The following CCT3 variants were observed in gnomAD, a reference collection of about 807,000 sequenced individuals.
CCT3 encodes chaperonin containing TCP1 subunit 3.
A neutral mutation model predicts 65.3 loss-of-function variants in CCT3; 10 were observed. The ratio of observed to expected loss-of-function variants is 0.15; its 90% CI spans 0.09 to 0.26. The LOEUF (loss-of-function observed/expected upper bound fraction) is 0.26. Ranked by LOEUF, CCT3 falls within the 10% of genes least tolerant of loss-of-function variation. The pLI is 1.00. For missense variants in CCT3, 626 were observed against 708.7 expected, an observed-to-expected ratio of 0.88 and a Z score of 1.33; for synonymous variants, 225 against 242.3, an observed-to-expected ratio of 0.93 and a Z score of 0.66.
intron 10 of CCT3, among the ~76,000 whole-genome samples, chr1:156,316,396 G>C (rs1242797546): frequency 6.6e-6 from 1 of 152,172 alleles, no homozygotes; most frequent in Non-Finnish European, 1.5e-5. Flanking sequence ...TCTGACCGAA[G>C]TTTAATGAAT....
At chr1:156,327,708 A>AC (rs552424166) in intron 5 of CCT3, among the ~76,000 whole-genome samples, 2 of 149,592 alleles carry the variant, frequency 1.3e-5, no homozygotes, top group East Asian at 4.0e-4. Flanking sequence ...CCCGGCCGCC[A>AC]CCCCGTCTGG....
intron 5 of CCT3, among the ~76,000 whole-genome samples, chr1:156,327,301 T>A (rs1664864126): frequency 6.6e-6 from 1 of 151,326 alleles, no homozygotes; most frequent in African/African-American, 2.4e-5. Flanking sequence ...CTCCACGGTC[T>A]CCCTCTCCCT....
Position 156,338,209 on chromosome 1 carries a change from C to A in CCT3, c.-25G>T. On this transcript the variant is annotated 5_prime_UTR_variant, in exon 1 of 14. Transcript: ENST00000295688. Reference sequence around the variant, plus strand: ...TGGCGACGCGATGCAGAGCCGGGTACCCAGAGCTGGGGGAACCGGCAGAAC... The same window carrying A: ...TGGCGACGCGATGCAGAGCCGGGTAACCAGAGCTGGGGGAACCGGCAGAAC... The A allele has an allele frequency of 6.3e-7, 1 of 1,581,692 alleles. No individual in the cohort carries two copies. Among genetic ancestry groups the A allele is most frequent in the South Asian group, 1.2e-5 (1 of 86,112 alleles).
At chr1:156,318,402 TAA>T (rs1664402126) in intron 8 of CCT3, among the ~76,000 whole-genome samples, 2 of 152,124 alleles carry the variant, frequency 1.3e-5, no homozygotes, top group East Asian at 3.9e-4. Context: ...TTTTTTTAAA[TAA>T]AGACAGTATT....
chr1:156,330,537 G>A (rs1348719201), intron 5 of CCT3, among the ~76,000 whole-genome samples: 2 of 151,746 alleles, frequency 1.3e-5, no homozygotes, highest in South Asian at 2.1e-4. Flanking sequence ...GGTGGCATGC[G>A]CCTATAATCC....
At chr1:156,319,895 A>G (rs1022119926) in intron 7 of CCT3, among the ~76,000 whole-genome samples, 3 of 152,170 alleles carry the variant, frequency 2.0e-5, no homozygotes, top group African/African-American at 4.8e-5. Flanking sequence ...ACTACATAAT[A>G]GAGCCCTTGT....
At chr1:156,310,901 A>C (rs966101596) in intron 12 of CCT3, 49 bp downstream of exon 12, 1 of 1,591,470 alleles carries the variant, frequency 6.3e-7, no homozygotes, top group Non-Finnish European at 8.6e-7. Context: ...CTCAGGGCAA[A>C]CACAGCTTTC....
intron 10 of CCT3, among the ~76,000 whole-genome samples, chr1:156,316,700 A>T (rs938104407): frequency 6.6e-6 from 1 of 152,232 alleles, no homozygotes; most frequent in Non-Finnish European, 1.5e-5. Context: ...TGTCTATTAA[A>T]AAGAATGGTC....
At chr1:156,309,964 G>A (rs139211789) in intron 13 of CCT3, among the ~76,000 whole-genome samples, 5 of 148,006 alleles carry the variant, frequency 3.4e-5, no homozygotes, top group African/African-American at 9.9e-5. Context: ...CTTGAACCTG[G>A]GAGGTGGAGG....
At chr1:156,329,075 C>G (rs1430665335) in intron 5 of CCT3, among the ~76,000 whole-genome samples, 1 of 151,994 alleles carries the variant, frequency 6.6e-6, no homozygotes, top group African/African-American at 2.4e-5. Flanking sequence ...TTTACTGTAC[C>G]TTTTCTATGT....
rs754420473 is a variant in CCT3 at position 156,338,070 on chromosome 1, G to A, written c.31+84C>T. On this transcript the variant is annotated intron_variant, in intron 1 of 13. Transcript: ENST00000295688. The stretch of plus-strand genomic sequence containing the variant: ...GGAAGGCTCAGTGGCCCGGTCAGTG[G>A]GGGACGGAGCTGGGGCAACACTGAA... 25 of 1,457,496 alleles carry A rather than the reference G, an allele frequency of 1.7e-5. No homozygotes were observed. In the Admixed American group the frequency reaches 2.0e-4, roughly 11 times the overall value. The allele number at this position is 1,457,496 out of a possible 1,614,324, so 90.3% of individuals were successfully genotyped here. A position where few individuals can be genotyped will look rare whatever the true frequency, so the allele number is the denominator to read the frequency against.
Position 156,321,045 on chromosome 1 carries a change from A to AC in CCT3, c.423-21dup. 1 of 1,602,130 alleles carries AC rather than the reference A, an allele frequency of 6.2e-7. No individual in the cohort carries two copies. Among genetic ancestry groups the AC allele is most frequent in the Admixed American group, 1.7e-5 (1 of 59,820 alleles). On this transcript the variant is annotated intron_variant, in intron 6 of 13. Coordinates refer to ENST00000295688, the MANE Select transcript of CCT3 (RefSeq NM_005998.5). ...GGGATACTAGAGAAAAGAAAACCAG[A>AC]CGATATGTGAAGAAGGCATGTTAGA...
Position 156,318,925 on chromosome 1 carries a change from C to T in CCT3, c.702G>A (p.Lys234=). ...VTHPRMRRYI[K]NPRIVLLDSS... ...AATCCAGCAGCACAATGCGAGGGTT[C>T]TTGATATAGCGCCGCATACGTGGAT... The change falls in exon 8 of 14, where the codon AAG becomes AAA. Residue 234 remains lysine (K), a synonymous_variant. Transcript: ENST00000295688. 1 of 1,614,178 alleles carries T rather than the reference C, an allele frequency of 6.2e-7. No homozygotes were observed. The highest frequency in any genetic ancestry group is 1.1e-5 in the South Asian group (1 of 91,080).
chr1:156,326,530 T>G (rs1664813440), intron 5 of CCT3, among the ~76,000 whole-genome samples: 1 of 150,954 alleles, frequency 6.6e-6, no homozygotes, highest in Non-Finnish European at 1.5e-5. Flanking sequence ...CATGCCTGTA[T>G]TCCTAGCTAC....
rs1416042066 is a variant in CCT3 at position 156,324,990 on chromosome 1, C to A, written c.404G>T (p.Ser135Ile). 4.3e-6 allele frequency: 7 copies of A among 1,610,798 alleles called. No homozygotes were observed. Among genetic ancestry groups the A allele is most frequent in the Non-Finnish European group, 5.1e-6 (6 of 1,177,144 alleles). ...AYRKALDDMISTLKKISIPVD... is the reference protein window; with the variant it reads ...AYRKALDDMIITLKKISIPVD... ...AAGATACCTTATTTTCTTTAGGGTG[C>A]TGATCATATCATCCAATGCCTTGCG... Residue 135 changes from serine to isoleucine, a missense_variant, in exon 6 of 14, where the codon AGC (serine) becomes ATC (isoleucine). Ser to Ile is a moderately radical substitution (Grantham distance 142). Transcript: ENST00000295688.
chr1:156,334,272 A>G (rs1430393269), intron 4 of CCT3, among the ~76,000 whole-genome samples: 1 of 151,922 alleles, frequency 6.6e-6, no homozygotes, highest in Non-Finnish European at 1.5e-5. Flanking sequence ...TGTTGAAGTC[A>G]TAACTCCCAG....
chr1:156,309,313 A>G lies in CCT3; in HGVS notation c.1534-10T>C. Reference sequence around the variant, plus strand: ...GTAGCAGAACTGCCGTCTAGGAGAAAAACCACAGATGCAAAGAGGTCAGCA... The same window carrying G: ...GTAGCAGAACTGCCGTCTAGGAGAAGAACCACAGATGCAAAGAGGTCAGCA... On this transcript the variant is annotated splice_polypyrimidine_tract_variant and intron_variant, in intron 13 of 13. Coordinates refer to ENST00000295688, the MANE Select transcript of CCT3 (RefSeq NM_005998.5). 1.3e-6 allele frequency: 2 copies of G among 1,587,718 alleles called. No individual in the cohort carries two copies. The highest frequency in any genetic ancestry group is 1.7e-4 in the Middle Eastern group (1 of 6,020).
In CCT3 at chr1:156,338,239, TGG is replaced by T. The variant is rs1665545680; in HGVS notation, c.-57_-56del. ...AGCTGGGGGAACCGGCAGAACCTTC[TGG>T]AGAGAGAGAACCAGACAGAAGCCCA... On this transcript the variant is annotated 5_prime_UTR_variant, in exon 1 of 14. Transcript: ENST00000295688. The T allele has an allele frequency of 2.6e-6, 4 of 1,543,870 alleles. No individual in the cohort carries two copies. The Admixed American group carries it at 6.0e-5, about 23-fold the overall frequency.
chr1:156,336,294 C>T (rs558456943), intron 1 of CCT3, among the ~76,000 whole-genome samples: 81 of 142,874 alleles, frequency 5.7e-4, no homozygotes, highest in South Asian at 5.5e-3. Flanking sequence ...TTTTTTTTTC[C>T]GGAAAGAGGA....
Sources: gnomAD v4.1 joint callset for allele counts (sites outside exome capture counted in the v4.1 genomes callset) on GRCh38, gnomAD v4.1.1 for gene constraint, MANE v1.5 for transcripts, NCBI Gene and HGNC (gene_info 2026-07-23, HGNC 2026-07-21) for gene names.